The following ATRX variants were observed in gnomAD, a reference collection of about 807,000 sequenced individuals.
ATRX encodes ATRX chromatin remodeler.
ATRX carries 12 observed loss-of-function variants against 172.6 expected under a neutral mutation model. The observed-to-expected ratio is 0.07, with a 90% CI of 0.04 to 0.11. ATRX has a LOEUF of 0.11. ATRX is among the 10% of genes least tolerant of loss of function. The pLI, the probability that ATRX is intolerant of heterozygous loss-of-function variation, is 1.00. For missense variants in ATRX, 1,368 were observed against 1,767.4 expected, an observed-to-expected ratio of 0.77 and a Z score of 4.05; for synonymous variants, 674 against 594.7, an observed-to-expected ratio of 1.13 and a Z score of -1.94.
At chrX:77,509,798 T>C (rs1228830533) in intron 34 of ATRX, among the ~76,000 whole-genome samples, 1 of 109,076 alleles carries the variant, frequency 9.2e-6, no homozygotes, top group Non-Finnish European at 1.9e-5. Context: ...CCGACAAGCT[T>C]TGCCACTGTG....
intron 1 of ATRX, among the ~76,000 whole-genome samples, chrX:77,775,740 T>G (rs2148960343): frequency 9.1e-6 from 1 of 110,224 alleles, no homozygotes; most frequent in African/African-American, 3.3e-5. Context: ...TATTTATTTA[T>G]TTATTTATTT....
intron 27 of ATRX, among the ~76,000 whole-genome samples, chrX:77,578,149 GAAGTT>G (rs2065695041): frequency 8.9e-6 from 1 of 111,774 alleles, no homozygotes; most frequent in African/African-American, 3.3e-5. Flanking sequence ...ACAGTGATCA[GAAGTT>G]GAGTTTTAGT....
chrX:77,702,088 T>G (rs1267192998), intron 2 of ATRX, among the ~76,000 whole-genome samples: 1 of 111,472 alleles, frequency 9.0e-6, no homozygotes, highest in African/African-American at 3.3e-5. Flanking sequence ...AAAATAAAAC[T>G]ATCCTTATTA....
At position 77,695,058 on chromosome X, in the gene ATRX, C is replaced by T. The variant is rs45594642; in HGVS notation, c.371-1121G>A. 2.5e-4 allele frequency among the ~76,000 whole-genome samples: 12 copies of T among 47,158 alleles called. No individual in the cohort carries two copies. The East Asian group carries it at 4.8e-3, about 19-fold the overall frequency. The allele number at this position is 47,158 out of a possible 115,157, so 41.0% of individuals were successfully genotyped here. ...ACTAAAGATTTTAAATTAACAACAACGACAAAAAAAAAAAAAAACTGAATT... is the reference window on the plus strand; with the variant it reads ...ACTAAAGATTTTAAATTAACAACAATGACAAAAAAAAAAAAAAACTGAATT... On this transcript the variant is annotated intron_variant, in intron 5 of 34. Coordinates refer to ENST00000373344, the MANE Select transcript of ATRX (RefSeq NM_000489.6).
intron 34 of ATRX, among the ~76,000 whole-genome samples, chrX:77,520,287 T>A (rs1395289434): frequency 1.8e-5 from 2 of 111,185 alleles, no homozygotes; most frequent in Non-Finnish European, 3.8e-5. Flanking sequence ...ATTGCACATT[T>A]AAAAATAACT....
chrX:77,735,459 A>G (rs2074499455), intron 1 of ATRX, among the ~76,000 whole-genome samples: 1 of 110,815 alleles, frequency 9.0e-6, no homozygotes, highest in Non-Finnish European at 1.9e-5. Flanking sequence ...CGGCACAGTG[A>G]CGGACGCCTG....
intron 1 of ATRX, among the ~76,000 whole-genome samples, chrX:77,735,627 T>C (rs1603291907): frequency 1.2e-5 from 1 of 85,052 alleles, no homozygotes. Context: ...AATAAATAAA[T>C]AAATAAATAA....
At chrX:77,729,893 C>T (rs1180609110) in intron 1 of ATRX, among the ~76,000 whole-genome samples, 4 of 111,292 alleles carry the variant, frequency 3.6e-5, no homozygotes, top group Admixed American at 1.9e-4. Flanking sequence ...GCCAAGATCA[C>T]GTCACCGCAC....
At chrX:77,709,007 G>C (rs2072979324) in intron 2 of ATRX, among the ~76,000 whole-genome samples, 1 of 112,235 alleles carries the variant, frequency 8.9e-6, no homozygotes, top group Non-Finnish European at 1.9e-5. Flanking sequence ...AGGAGTCTGA[G>C]ACCAGCATGG....
intron 2 of ATRX, among the ~76,000 whole-genome samples, chrX:77,713,271 A>G (rs2073203511): frequency 8.9e-6 from 1 of 112,188 alleles, no homozygotes; most frequent in Non-Finnish European, 1.9e-5. Flanking sequence ...AATTGAATTA[A>G]AAGTATCAGT....
chrX:77,603,107 A>G (rs1419747783), intron 22 of ATRX, among the ~76,000 whole-genome samples: 2 of 111,491 alleles, frequency 1.8e-5, no homozygotes, highest in Non-Finnish European at 3.8e-5. Context: ...AGTATGAAAA[A>G]TTATATACCA....
chrX:77,683,810 T>C lies in ATRX; in HGVS notation c.1446A>G (p.Glu482=), dbSNP rs886044778. The part of the protein sequence containing the change: ...EHMHQNVPTE[E]QRTNKSTGGE... Reference sequence around the variant, plus strand: ...CACCGGTACTTTTATTTGTTCTTTGTTCCTCTGTTGGAACATTCTGATGCA... The same window carrying C: ...CACCGGTACTTTTATTTGTTCTTTGCTCCTCTGTTGGAACATTCTGATGCA... The change falls in exon 9 of 35, where the codon GAA becomes GAG. Residue 482 remains glutamate (E), a synonymous_variant. Coordinates refer to ENST00000373344, the MANE Select transcript of ATRX (RefSeq NM_000489.6). 1.7e-6 allele frequency: 2 copies of C among 1,210,742 alleles called. No homozygotes were observed. Among genetic ancestry groups the C allele is most frequent in the Non-Finnish European group, 2.2e-6 (2 of 894,479 alleles).
chrX:77,620,446 T>G lies in ATRX; in HGVS notation c.5221A>C (p.Arg1741=), dbSNP rs782633224. The G allele has an allele frequency of 7.0e-5, 85 of 1,207,113 alleles. No individual in the cohort carries two copies. The highest frequency in any genetic ancestry group is 9.2e-5 in the Non-Finnish European group (82 of 892,650). ...GTTCCTGTTAAAATAATCCTCCTCC[T>G]TGATCGTATAGAATTCATAGCTTTA... ...VSKAMNSIRS[R]RRIILTGTPL... Residue 1741 remains arginine, a synonymous_variant, in exon 20 of 35, where the codon AGG becomes CGG. Transcript: ENST00000373344.
intron 1 of ATRX, among the ~76,000 whole-genome samples, chrX:77,772,196 G>C (rs954695343): frequency 9.2e-6 from 1 of 108,784 alleles, no homozygotes; most frequent in Admixed American, 9.8e-5. Flanking sequence ...TACTCAGGAG[G>C]CTGAGGCAGA....
chrX:77,757,653 G>A (rs905717504), intron 1 of ATRX, among the ~76,000 whole-genome samples: 31 of 109,699 alleles, frequency 2.8e-4, no homozygotes, highest in Non-Finnish European at 7.6e-5. Context: ...GCCTGAAATT[G>A]AATAGAAGGA....
intron 1 of ATRX, among the ~76,000 whole-genome samples, chrX:77,738,328 C>T (rs1386836372): frequency 9.7e-6 from 1 of 102,656 alleles, no homozygotes; most frequent in Admixed American, 1.1e-4. Context: ...CAGTGACACC[C>T]TGTCTCCAAA....
chrX:77,542,206 C>A (rs1349022935), intron 30 of ATRX, among the ~76,000 whole-genome samples: 2 of 111,439 alleles, frequency 1.8e-5, no homozygotes, highest in African/African-American at 6.5e-5. Context: ...TGAGTGAAGT[C>A]CCATTCACAA....
chrX:77,615,453 C>T (rs2067316776), intron 22 of ATRX, among the ~76,000 whole-genome samples: 2 of 111,755 alleles, frequency 1.8e-5, no homozygotes, highest in South Asian at 3.7e-4. Flanking sequence ...CAGATCTGAA[C>T]ATCTGTCTCT....
chrX:77,593,008 G>A (rs2066333225), intron 26 of ATRX, among the ~76,000 whole-genome samples: 1 of 109,144 alleles, frequency 9.2e-6, no homozygotes, highest in Non-Finnish European at 1.9e-5. Flanking sequence ...CAAATTGCTT[G>A]AGCTCAAGAG....
Sources: allele counts gnomAD v4.1 joint callset (sites outside exome capture counted in the v4.1 genomes callset), GRCh38; gene constraint gnomAD v4.1.1; transcripts MANE v1.5; gene names NCBI Gene and HGNC (gene_info 2026-07-23, HGNC 2026-07-21).